KIAA1549L: variants seen among roughly 807,000 people sequenced by gnomAD.
KIAA1549L encodes KIAA1549 like, also known as UPF0606 protein KIAA1549L.
Under a neutral mutation model 160.7 loss-of-function variants are expected in KIAA1549L, and 88 were observed. That is an observed-to-expected ratio of 0.55 (90% confidence interval 0.46 to 0.65). The LOEUF (loss-of-function observed/expected upper bound fraction) is 0.65, where lower values mean the gene tolerates loss of function less well. Ranked by LOEUF, KIAA1549L falls within the 30% of genes least tolerant of loss-of-function variation. The pLI is 0.00. For missense variants in KIAA1549L, 2,258 were observed against 2,437.5 expected (o/e 0.93, Z 1.55); for synonymous variants, 950 against 976.7 (o/e 0.97, Z 0.51).
In KIAA1549L at chr11:33,530,439, ATATATATATAT is replaced by A. The variant is rs1853738402; in HGVS notation, c.239-11362_239-11352del. Among the ~76,000 whole-genome samples, 11 of 3,738 alleles carry A rather than the reference ATATATATATAT, an allele frequency of 2.9e-3. 1 individual carries two copies. The highest frequency in any genetic ancestry group is 4.5e-3 in the Non-Finnish European group (9 of 1,980). 2.5% of individuals were successfully genotyped at this position (3,738 alleles called of 152,430 possible). On this transcript the variant is annotated intron_variant, in intron 1 of 20. Coordinates refer to ENST00000658780, the MANE Select transcript of KIAA1549L (RefSeq NM_012194.3). ...GAAAAAAAAAAAAAAAAAAAAAAATATATATATATATATATATATATATATATATATATATA... is the reference window on the plus strand; with the variant it reads ...GAAAAAAAAAAAAAAAAAAAAAAATAATATATATATATATATATATATATA...
chr11:33,499,116 A>G (rs1852886994), intron 1 of KIAA1549L, among the ~76,000 whole-genome samples: 1 of 152,156 alleles, frequency 6.6e-6, no homozygotes, highest in Non-Finnish European at 1.5e-5. Context: ...TGCTGCATAG[A>G]AAAGGTCCTC....
intron 1 of KIAA1549L, among the ~76,000 whole-genome samples, chr11:33,533,479 G>C (rs1372157128): frequency 1.3e-5 from 2 of 152,284 alleles, no homozygotes; most frequent in East Asian, 3.9e-4. Context: ...TTAGTTCAAG[G>C]CTAAGTTTAA....
intron 6 of KIAA1549L, among the ~76,000 whole-genome samples, chr11:33,553,426 C>CTA (rs1427444417): frequency 6.6e-6 from 1 of 152,032 alleles, no homozygotes; most frequent in Admixed American, 6.6e-5. Context: ...GACTACTGAA[C>CTA]TATAAAGCCT....
At chr11:33,435,798 A>ATGTGTGTGTG (rs1254104673) in intron 1 of KIAA1549L, among the ~76,000 whole-genome samples, 5 of 7,626 alleles carry the variant, frequency 6.6e-4, no homozygotes, top group African/African-American at 1.6e-3. Flanking sequence ...ATATATATAT[A>ATGTGTGTGTG]TATATATATA....
chr11:33,563,190 C>CA (rs1014766665), intron 8 of KIAA1549L, among the ~76,000 whole-genome samples: 31 of 149,520 alleles, frequency 2.1e-4, no homozygotes, highest in Admixed American at 6.7e-4. Context: ...AGTAAAAATA[C>CA]AAAAAAAAAT....
At chr11:33,453,965 C>A (rs1178361867) in intron 1 of KIAA1549L, among the ~76,000 whole-genome samples, 1 of 152,206 alleles carries the variant, frequency 6.6e-6, no homozygotes. Context: ...CCCCTTCACT[C>A]CCCCAGGTTT....
intron 13 of KIAA1549L, 48 bp downstream of exon 13, chr11:33,598,995 GC>G: frequency 6.2e-7 from 1 of 1,605,662 alleles, no homozygotes; most frequent in East Asian, 2.2e-5. Context: ...TCCCACGCGT[GC>G]CCGCACACAC....
At chr11:33,452,494 G>C (rs2132976532) in intron 1 of KIAA1549L, among the ~76,000 whole-genome samples, 1 of 152,242 alleles carries the variant, frequency 6.6e-6, no homozygotes, top group South Asian at 2.1e-4. Context: ...TGTAGTCCCA[G>C]CTACTCGGGA....
intron 1 of KIAA1549L, among the ~76,000 whole-genome samples, chr11:33,525,779 G>T (rs1174956859): frequency 6.6e-6 from 1 of 152,030 alleles, no homozygotes; most frequent in Non-Finnish European, 1.5e-5. Context: ...TGTTGGTGAG[G>T]CATGGTGGGA....
chr11:33,552,382 G>A, intron 6 of KIAA1549L, 141 bp downstream of exon 6: 1 of 926,606 alleles, frequency 1.1e-6, no homozygotes. Flanking sequence ...GAGGATGTCT[G>A]GGGTATGGCC....
chr11:33,606,542 G>C (rs937823234), intron 13 of KIAA1549L, 99 bp from the exon 14 acceptor site: 3 of 1,207,644 alleles, frequency 2.5e-6, no homozygotes, highest in Non-Finnish European at 3.5e-6. Context: ...GTTGTTTTGA[G>C]TAAAGTAATG....
intron 1 of KIAA1549L, among the ~76,000 whole-genome samples, chr11:33,383,010 G>A (rs1850102583): frequency 6.6e-6 from 1 of 152,130 alleles, no homozygotes. Context: ...ACTTGGAAAA[G>A]TACAGTGTTA....
In KIAA1549L at chr11:33,618,618, A is replaced by C. The variant is rs1359177536; in HGVS notation, c.5365A>C (p.Thr1789Pro). ...PGETEMDLLV[T>P]RERPRRGIRN... is the part of the protein sequence containing the mutation. ...GGAAACCGAGATGGACCTTCTGGTG[A>C]CTCGGGAGCGACCCCGGCGTGGAAT... The change falls in exon 16 of 21, where the codon ACT (threonine) becomes CCT (proline). Residue 1789 changes from threonine to proline, a missense_variant. Physicochemically the swap from Thr to Pro is conservative, Grantham distance 38. This residue lies in a region of KIAA1549L where 1,359 missense variants were observed against 1,546.6 expected (regional missense o/e 0.88). Coordinates refer to ENST00000658780, the MANE Select transcript of KIAA1549L (RefSeq NM_012194.3). 1.2e-6 allele frequency: 2 copies of C among 1,606,272 alleles called. No individual in the cohort carries two copies. Among genetic ancestry groups the C allele is most frequent in the Admixed American group, 1.7e-5 (1 of 59,028 alleles).
chr11:33,571,376 G>C (rs1002199022), intron 9 of KIAA1549L, among the ~76,000 whole-genome samples: 3 of 152,178 alleles, frequency 2.0e-5, no homozygotes, highest in Non-Finnish European at 2.9e-5. Context: ...AGTGAGGATA[G>C]TGTTTTCCGG....
intron 1 of KIAA1549L, among the ~76,000 whole-genome samples, chr11:33,417,463 C>T (rs1356249718): frequency 6.6e-6 from 1 of 152,192 alleles, no homozygotes; most frequent in Admixed American, 6.5e-5. Context: ...GATTTCATGA[C>T]TCACGAGTGG....
intron 15 of KIAA1549L, among the ~76,000 whole-genome samples, chr11:33,617,789 G>GTGGATGGA (rs200551250): frequency 0.23 from 34,630 of 148,904 alleles, 4,659 homozygotes; most frequent in East Asian, 0.42. Flanking sequence ...GGAAGCCTCG[G>GTGGATGGA]TGGATGGATG....
At chr11:33,579,615 G>A (rs1220367631) in intron 10 of KIAA1549L, among the ~76,000 whole-genome samples, 3 of 152,198 alleles carry the variant, frequency 2.0e-5, no homozygotes, top group Non-Finnish European at 4.4e-5. Context: ...GATATCAAGG[G>A]TGTGATAGGA....
rs529426489 is a variant in KIAA1549L, at chr11:33,534,382, C to T, written c.239-7420C>T. 7.2e-4 allele frequency among the ~76,000 whole-genome samples: 109 copies of T among 152,070 alleles called. 1 individual carries two copies. The South Asian group carries it at 0.018, about 25-fold the overall frequency. On this transcript the variant is annotated intron_variant, in intron 1 of 20. Transcript: ENST00000658780. ...TGCTGAGATTACAGGCATGAGCCAC[C>T]GCACCTGGCCGCTTTCCACAATTTT...
At chr11:33,506,227 T>G (rs1853083986) in intron 1 of KIAA1549L, among the ~76,000 whole-genome samples, 1 of 152,184 alleles carries the variant, frequency 6.6e-6, no homozygotes, top group South Asian at 2.1e-4. Context: ...GGCTCTGCCC[T>G]TTATCAGTTG....
Sources: gnomAD v4.1 joint callset for allele counts (sites outside exome capture counted in the v4.1 genomes callset) on GRCh38, gnomAD v4.1.1 for gene constraint, gnomAD v4.1.1 regional missense constraint, MANE v1.5 for transcripts, NCBI Gene and HGNC (gene_info 2026-07-23, HGNC 2026-07-21) for gene names.